IBTK: variants seen among roughly 807,000 people sequenced by gnomAD.
The protein encoded by IBTK is BTK-binding protein.
Under a neutral mutation model 154.9 loss-of-function variants are expected in IBTK, and 83 were observed. The observed-to-expected ratio is 0.54, with a 90% CI of 0.45 to 0.64. The LOEUF (loss-of-function observed/expected upper bound fraction) is 0.64. IBTK is among the 30% of genes least tolerant of loss of function. The probability of loss-of-function intolerance (pLI) is 0.00; values close to 1 mark genes in which losing one functional copy is unlikely to be tolerated. For synonymous variants in IBTK, 515 were observed against 536.1 expected (o/e 0.96, Z 0.54); for missense variants, 1,332 against 1,584.6 (o/e 0.84, Z 2.71).
intron 9 of IBTK, among the ~76,000 whole-genome samples, chr6:82,219,777 C>T (rs932294395): frequency 3.3e-5 from 5 of 151,362 alleles, no homozygotes; most frequent in East Asian, 1.9e-4. Context: ...ACTAGTGATC[C>T]GGAAATATTT....
chr6:82,175,886 A>C (rs929507960), intron 26 of IBTK, among the ~76,000 whole-genome samples: 1 of 151,914 alleles, frequency 6.6e-6, no homozygotes, highest in Non-Finnish European at 1.5e-5. Flanking sequence ...AAAATTAGCC[A>C]GGCTTGGTGG....
chr6:82,189,052 GA>G, intron 25 of IBTK: 1 of 448,726 alleles, frequency 2.2e-6, no homozygotes, highest in Non-Finnish European at 4.5e-6. Flanking sequence ...GAAAAAGTAA[GA>G]AATTTAGAGA....
In IBTK at chr6:82,201,475, C is replaced by A; in HGVS notation, c.2737G>T (p.Asp913Tyr). 6.2e-7 allele frequency: 1 copy of A among 1,602,404 alleles called. No individual in the cohort carries two copies. The highest frequency in any genetic ancestry group is 1.1e-5 in the South Asian group (1 of 89,558). ...TTCAAAACACCATCGCTTAAAACAT[C>A]AAGAGACCTAAAATATAGGATACAA... ...MAALLEARSL[D>Y]VLSDGVLKDL... Residue 913 changes from aspartate to tyrosine, a missense_variant, in exon 19 of 29, where the codon GAT becomes TAT. Asp to Tyr is a radical substitution (Grantham distance 160). Transcript: ENST00000306270.
chr6:82,214,150 T>G, intron 12 of IBTK, 77 bp downstream of exon 12: 1 of 1,376,346 alleles, frequency 7.3e-7, no homozygotes, highest in South Asian at 1.5e-5. Flanking sequence ...AGAGATGGGG[T>G]TTCACAGTAA....
intron 25 of IBTK, among the ~76,000 whole-genome samples, chr6:82,185,251 C>G (rs1443457800): frequency 6.8e-6 from 1 of 147,806 alleles, no homozygotes; most frequent in Non-Finnish European, 1.5e-5. Context: ...AAATAACAAT[C>G]TGTAAATCTG....
chr6:82,200,283 T>C (rs1179770699), intron 20 of IBTK, 30 bp from the exon 21 acceptor site: 1 of 1,469,576 alleles, frequency 6.8e-7, no homozygotes, highest in Non-Finnish European at 9.5e-7. Flanking sequence ...ATTTCAGCAG[T>C]GTTTAGGGAG....
chr6:82,247,211 C>T (rs1022816834), intron 1 of IBTK, among the ~76,000 whole-genome samples: 5 of 152,268 alleles, frequency 3.3e-5, no homozygotes, highest in Admixed American at 2.0e-4. Context: ...TGAGCGCCCA[C>T]AGGAATGGCT....
intron 2 of IBTK, among the ~76,000 whole-genome samples, chr6:82,239,695 ATT>A (rs1770865505): frequency 6.7e-6 from 1 of 149,876 alleles, no homozygotes; most frequent in Non-Finnish European, 1.5e-5. Context: ...AATTAAATAT[ATT>A]TTCTTTGTCT....
Position 82,211,579 on chromosome 6 carries a change from G to T in IBTK, c.2292-7C>A. 6.2e-7 allele frequency: 1 copy of T among 1,607,736 alleles called. No homozygotes were observed. Among genetic ancestry groups the T allele is most frequent in the Non-Finnish European group, 8.5e-7 (1 of 1,174,494 alleles). The stretch of plus-strand genomic sequence containing the variant: ...CACGTCACACAGAAATGAACTGCAA[G>T]AAAATGTTTAATTGAAGCAAGAGCA... On this transcript the variant is annotated splice_region_variant and splice_polypyrimidine_tract_variant and intron_variant, in intron 13 of 28. Coordinates refer to ENST00000306270, the MANE Select transcript of IBTK (RefSeq NM_015525.4).
rs1770245554 is a variant in IBTK at position 82,225,131 on chromosome 6, C to G, written c.825+346G>C. 3.5e-5 allele frequency among the ~76,000 whole-genome samples: 5 copies of G among 144,418 alleles called. No homozygotes were observed. The South Asian group carries it at 1.2e-3, about 34-fold the overall frequency. The allele number at this position is 144,418 out of a possible 152,430, so 94.7% of individuals were successfully genotyped here. A position where few individuals can be genotyped will look rare whatever the true frequency, so the allele number is the denominator to read the frequency against. On this transcript the variant is annotated intron_variant, in intron 6 of 28. Transcript: ENST00000306270. ...CCTGGTCAACATGACAAAACCCTCT[C>G]TACTAAAAAATACTCAAAAAAAAAA...
In IBTK at chr6:82,191,830, C is replaced by G. The variant is rs1374138035; in HGVS notation, c.3388G>C (p.Glu1130Gln). 1 of 1,611,774 alleles carries G rather than the reference C, an allele frequency of 6.2e-7. No homozygotes were observed. The highest frequency in any genetic ancestry group is 1.7e-5 in the Admixed American group (1 of 59,970). Reference sequence around the variant, plus strand: ...GTAGCTCCACATTTTTGTCTACTTTCTTCTATTTCCATGATAGTTCTGAGA... The same window carrying G: ...GTAGCTCCACATTTTTGTCTACTTTGTTCTATTTCCATGATAGTTCTGAGA... Reference protein sequence around the residue: ...VDLRTIMEIEESRQKCGATPK... With the variant: ...VDLRTIMEIEQSRQKCGATPK... Residue 1130 changes from glutamate (E) to glutamine (Q), a missense_variant, in exon 24 of 29, where the codon GAA (glutamate) becomes CAA (glutamine). By Grantham distance (29) the Glu-to-Gln change is conservative. Transcript: ENST00000306270.
chr6:82,239,356 T>C (rs201817964), intron 2 of IBTK, among the ~76,000 whole-genome samples: 1 of 151,910 alleles, frequency 6.6e-6, no homozygotes, highest in Admixed American at 6.6e-5. Context: ...GGCAGGAGAA[T>C]GGTGTGAACC....
intron 2 of IBTK, among the ~76,000 whole-genome samples, chr6:82,237,940 C>A (rs879431098): frequency 6.6e-6 from 1 of 151,474 alleles, no homozygotes; most frequent in Non-Finnish European, 1.5e-5. Context: ...AATCCCTATA[C>A]AAAAAAAATT....
At chr6:82,188,832 C>G (rs1768649595) in intron 25 of IBTK, among the ~76,000 whole-genome samples, 1 of 152,012 alleles carries the variant, frequency 6.6e-6, no homozygotes, top group African/African-American at 2.4e-5. Flanking sequence ...GAGTTCGAGA[C>G]CAGCCTTGCC....
intron 27 of IBTK, chr6:82,173,029 T>G: frequency 1.0e-5 from 1 of 100,000 alleles, no homozygotes. Context: ...TGAGACAGAG[T>G]CTCACTGTGT....
At chr6:82,192,528 C>A (rs1166758116) in intron 23 of IBTK, among the ~76,000 whole-genome samples, 1 of 151,830 alleles carries the variant, frequency 6.6e-6, no homozygotes, top group Non-Finnish European at 1.5e-5. Context: ...GGGTGGATCA[C>A]CTGAGGTCAG....
chr6:82,221,259 G>T (rs1770092335), intron 8 of IBTK, among the ~76,000 whole-genome samples: 3 of 152,138 alleles, frequency 2.0e-5, no homozygotes, highest in Admixed American at 2.0e-4. Flanking sequence ...AGGAGGCAGA[G>T]GTTGCAGTGA....
intron 24 of IBTK, chr6:82,191,471 T>G: frequency 1.8e-6 from 1 of 557,056 alleles, no homozygotes; most frequent in Non-Finnish European, 3.2e-6. Context: ...CTCCAACATA[T>G]CACAAATTTC....
chr6:82,190,426 T>C (rs927601873), intron 25 of IBTK, among the ~76,000 whole-genome samples: 9 of 152,178 alleles, frequency 5.9e-5, no homozygotes, highest in African/African-American at 1.9e-4. Context: ...GGTTTCCAGA[T>C]ATTTTAAGTT....
Sources: gnomAD v4.1 joint callset for allele counts (sites outside exome capture counted in the v4.1 genomes callset) on GRCh38, gnomAD v4.1.1 for gene constraint, MANE v1.5 for transcripts, NCBI Gene and HGNC (gene_info 2026-07-23, HGNC 2026-07-21) for gene names.